The following KREMEN1 variants were observed in gnomAD, a reference collection of about 807,000 sequenced individuals.
KREMEN1 encodes kremen protein 1.
KREMEN1 carries 30 observed loss-of-function variants against 46.5 expected under a neutral mutation model. That is an observed-to-expected ratio of 0.65 (90% CI 0.48 to 0.88). The LOEUF is 0.88. KREMEN1 is among the 40% of genes least tolerant of loss of function. KREMEN1 has a pLI of 0.00. For missense variants in KREMEN1, 533 were observed against 596.9 expected, an observed-to-expected ratio of 0.89 and a Z score of 1.11; for synonymous variants, 214 against 230.6, an observed-to-expected ratio of 0.93 and a Z score of 0.65.
chr22:29,156,804 G>A (rs1261107039), intron 9 of KREMEN1, among the ~76,000 whole-genome samples: 5 of 152,148 alleles, frequency 3.3e-5, no homozygotes, highest in Admixed American at 2.6e-4. Flanking sequence ...AAACACCCTC[G>A]GACCAGGCTC....
At chr22:29,133,063 AC>A (rs1428947668) in intron 5 of KREMEN1, among the ~76,000 whole-genome samples, 1 of 152,036 alleles carries the variant, frequency 6.6e-6, no homozygotes, top group Non-Finnish European at 1.5e-5. Context: ...CCTGGCGAAC[AC>A]GGTGAAACCC....
intron 5 of KREMEN1, among the ~76,000 whole-genome samples, chr22:29,134,603 T>C (rs1372545192): frequency 6.6e-6 from 1 of 152,208 alleles, no homozygotes; most frequent in African/African-American, 2.4e-5. Context: ...TTGTAATTTT[T>C]TATTGAATGC....
In KREMEN1 at chr22:29,146,032, T is replaced by TA; in HGVS notation, c.*3921dup. ...CACGCTTACTCTTCACAAGCACTTA[T>TA]ACGCGGATGGCCTCCGAGACCCTGC... On this transcript the variant is annotated 3_prime_UTR_variant, in exon 9 of 9. Coordinates refer to ENST00000400335, the MANE Select transcript of KREMEN1 (RefSeq NM_001039570.3). 2.0e-6 allele frequency: 2 copies of TA among 985,972 alleles called. No individual in the cohort carries two copies. Among genetic ancestry groups the TA allele is most frequent in the Non-Finnish European group, 2.4e-6 (2 of 830,022 alleles). The allele number at this position is 985,972 out of a possible 1,614,324, so 61.1% of individuals were successfully genotyped here.
intron 6 of KREMEN1, among the ~76,000 whole-genome samples, chr22:29,138,357 CA>C (rs923949509): frequency 1.3e-5 from 2 of 152,212 alleles, no homozygotes; most frequent in African/African-American, 4.8e-5. Context: ...CTGCCAAGTA[CA>C]GGGGCAGAGA....
chr22:29,131,560 A>ATATATATATATGTGTGTG (rs1240832937), intron 5 of KREMEN1, among the ~76,000 whole-genome samples: 1 of 69,942 alleles, frequency 1.4e-5, no homozygotes, highest in East Asian at 3.3e-4. Context: ...ATATATATAT[A>ATATATATATATGTGTGTG]TGTGTGTGTG....
At position 29,144,616 on chromosome 22, in the gene KREMEN1, A is replaced by C. The variant is rs1297628437; in HGVS notation, c.*2504A>C. 2 of 985,414 alleles carry C rather than the reference A, an allele frequency of 2.0e-6. No individual in the cohort carries two copies. The highest frequency in any genetic ancestry group is 3.5e-5 in the African/African-American group (2 of 57,240). 61.0% of individuals were successfully genotyped at this position (985,414 alleles called of 1,614,324 possible). ...TGTTTGTGGAATCTCTCTCAAACATAAGTGTCAGGTGTGTGTCGTCCCAAC... is the reference window on the plus strand; with the variant it reads ...TGTTTGTGGAATCTCTCTCAAACATCAGTGTCAGGTGTGTGTCGTCCCAAC... On this transcript the variant is annotated 3_prime_UTR_variant, in exon 9 of 9. Transcript: ENST00000400335.
chr22:29,082,442 T>C (rs2037669216), intron 1 of KREMEN1, among the ~76,000 whole-genome samples: 2 of 152,312 alleles, frequency 1.3e-5, no homozygotes, highest in South Asian at 4.1e-4. Flanking sequence ...TGTACTTGAT[T>C]TACATGAACT....
chr22:29,129,112 C>T (rs2038492219), intron 5 of KREMEN1, among the ~76,000 whole-genome samples: 1 of 152,182 alleles, frequency 6.6e-6, no homozygotes, highest in African/African-American at 2.4e-5. Flanking sequence ...GGACCCCTGA[C>T]AGCAGCCAGT....
rs2038788931 is a variant in KREMEN1 at position 29,142,916 on chromosome 22, G to A, written c.*804G>A. On this transcript the variant is annotated 3_prime_UTR_variant, in exon 9 of 9. Coordinates refer to ENST00000400335, the MANE Select transcript of KREMEN1 (RefSeq NM_001039570.3). ...TGTAATCCCAGCACTGTGGGAGGCT[G>A]AGGCGGGCAGATCACCTGAGGTCAG... is the stretch of plus-strand genomic sequence containing the variant. 1.1e-6 allele frequency: 1 copy of A among 944,498 alleles called. No individual in the cohort carries two copies. 58.5% of individuals were successfully genotyped at this position (944,498 alleles called of 1,614,324 possible). A position where few individuals can be genotyped will look rare whatever the true frequency, so the allele number is the denominator to read the frequency against.
intron 3 of KREMEN1, among the ~76,000 whole-genome samples, chr22:29,111,310 TA>T (rs750795996): frequency 0.08 from 9,362 of 117,328 alleles, 311 homozygotes; most frequent in East Asian, 0.15. Flanking sequence ...CTGTCTCTAT[TA>T]AAAAAAAAAA....
chr22:29,119,889 T>C (rs1441138958), intron 3 of KREMEN1, among the ~76,000 whole-genome samples: 19 of 152,190 alleles, frequency 1.2e-4, no homozygotes, highest in East Asian at 1.9e-4. Flanking sequence ...GCAGATATGA[T>C]GAAAGATTTT....
intron 1 of KREMEN1, among the ~76,000 whole-genome samples, chr22:29,076,499 G>A (rs1049186722): frequency 1.3e-5 from 2 of 152,174 alleles, no homozygotes; most frequent in African/African-American, 4.8e-5. Context: ...ATTTCGACCT[G>A]CTATCAAAGA....
intron 5 of KREMEN1, among the ~76,000 whole-genome samples, chr22:29,136,187 G>A (rs2038653106): frequency 2.0e-5 from 3 of 151,690 alleles, no homozygotes; most frequent in African/African-American, 7.3e-5. Flanking sequence ...CTCCCAAAGT[G>A]CTGGGATTAC....
At chr22:29,125,853 C>T (rs1346326134) in intron 5 of KREMEN1, among the ~76,000 whole-genome samples, 1 of 151,864 alleles carries the variant, frequency 6.6e-6, no homozygotes, top group East Asian at 1.9e-4. Flanking sequence ...CAGCGTAGCT[C>T]TAAGTTGTTT....
intron 3 of KREMEN1, among the ~76,000 whole-genome samples, chr22:29,119,643 T>A (rs1226117198): frequency 6.6e-6 from 1 of 152,190 alleles, no homozygotes. Flanking sequence ...AAACATTGAG[T>A]GCATAGCAGA....
chr22:29,101,150 G>A (rs1010881311), intron 3 of KREMEN1, among the ~76,000 whole-genome samples: 2 of 151,032 alleles, frequency 1.3e-5, no homozygotes, highest in African/African-American at 4.9e-5. Context: ...TACTTGGGAG[G>A]CTGAACAGCA....
Position 29,142,279 on chromosome 22 carries a change from AG to A in KREMEN1, c.*170del. The A allele has an allele frequency of 1.4e-5, 18 of 1,329,566 alleles. No individual in the cohort carries two copies. Among genetic ancestry groups the A allele is most frequent in the Non-Finnish European group, 1.7e-5 (18 of 1,045,094 alleles). The allele number at this position is 1,329,566 out of a possible 1,614,324, so 82.4% of individuals were successfully genotyped here. A position where few individuals can be genotyped will look rare whatever the true frequency, so the allele number is the denominator to read the frequency against. On this transcript the variant is annotated 3_prime_UTR_variant, in exon 9 of 9. Coordinates refer to ENST00000400335, the MANE Select transcript of KREMEN1 (RefSeq NM_001039570.3). ...GACTAGGAAGAGGCACCCTGCTGCC[AG>A]GGCAGGCAGAGCCTGGATTCCTCCT...
intron 5 of KREMEN1, among the ~76,000 whole-genome samples, chr22:29,126,701 T>C (rs1185338965): frequency 6.6e-6 from 1 of 152,238 alleles, no homozygotes; most frequent in African/African-American, 2.4e-5. Context: ...CCAGCCAAGG[T>C]TTATAACTGA....
In KREMEN1 at chr22:29,115,762, G is replaced by C. The variant is rs531914555; in HGVS notation, c.353-5595G>C. Among the ~76,000 whole-genome samples the C allele has an allele frequency of 7.0e-4, 106 of 152,332 alleles. 1 individual carries two copies. The South Asian group carries it at 0.021, about 30-fold the overall frequency. On this transcript the variant is annotated intron_variant, in intron 3 of 8. Transcript: ENST00000400335. ...ATGGGAGGGCCATGGGGCTTCCCAGGGGAAATGATGTTCAGGCTGAAATCT... is the reference window on the plus strand; with the variant it reads ...ATGGGAGGGCCATGGGGCTTCCCAGCGGAAATGATGTTCAGGCTGAAATCT...
Sources: gnomAD v4.1 joint callset for allele counts (sites outside exome capture counted in the v4.1 genomes callset) on GRCh38, gnomAD v4.1.1 for gene constraint, MANE v1.5 for transcripts, NCBI Gene and HGNC (gene_info 2026-07-23, HGNC 2026-07-21) for gene names.